ERC2: variants seen among roughly 807,000 people sequenced by gnomAD.
ERC2 encodes the protein ERC protein 2.
ERC2 carries 42 observed loss-of-function variants against 114.8 expected under a neutral mutation model. The ratio of observed to expected loss-of-function variants is 0.37; its 90% CI spans 0.29 to 0.47. ERC2 has a LOEUF of 0.47. Among genes scored for constraint, ERC2 ranks in the 20% least tolerant of loss-of-function variants. The pLI is 0.99. For synonymous variants in ERC2, 454 were observed against 425.5 expected, an observed-to-expected ratio of 1.07 and a Z score of -0.82; for missense variants, 939 against 1,150.7, an observed-to-expected ratio of 0.82 and a Z score of 2.66.
At chr3:55,804,516 G>A (rs1377063865) in intron 14 of ERC2, among the ~76,000 whole-genome samples, 1 of 152,156 alleles carries the variant, frequency 6.6e-6, no homozygotes, top group African/African-American at 2.4e-5. Flanking sequence ...AGGTATCCCT[G>A]TTTTATTTGC....
At position 55,988,628 on chromosome 3, in the gene ERC2, T is replaced by C. The variant is rs747996437; in HGVS notation, c.2256-2640A>G. On this transcript the variant is annotated intron_variant, in intron 11 of 17. Transcript: ENST00000288221. The stretch of plus-strand genomic sequence containing the variant: ...ACCCTGTACCTTTTGTTGCATACAA[T>C]TGAAGTTCTGGAATATTTTAGAACA... 4.6e-5 allele frequency among the ~76,000 whole-genome samples: 7 copies of C among 152,350 alleles called. No individual in the cohort carries two copies. In the South Asian group the frequency reaches 1.0e-3, roughly 23 times the overall value.
At chr3:56,296,496 C>A in intron 2 of ERC2, 61 bp from the exon 3 acceptor site, 2 of 1,502,776 alleles carry the variant, frequency 1.3e-6, no homozygotes, top group East Asian at 2.3e-5. Context: ...ATGAAAATGT[C>A]AAGTGCCGCT....
intron 2 of ERC2, among the ~76,000 whole-genome samples, chr3:56,362,086 T>TCC (rs765361046): frequency 2.0e-5 from 3 of 152,154 alleles, no homozygotes; most frequent in Non-Finnish European, 4.4e-5. Flanking sequence ...TCAGGAAATT[T>TCC]CCCGGTAAGA....
intron 14 of ERC2, among the ~76,000 whole-genome samples, chr3:55,851,155 T>C (rs1156342334): frequency 7.2e-6 from 1 of 139,060 alleles, no homozygotes; most frequent in Non-Finnish European, 1.6e-5. Flanking sequence ...CTTACTTCCA[T>C]CTCTAAGAAA....
chr3:56,010,669 G>A, intron 8 of ERC2, 80 bp from the exon 9 acceptor site: 1 of 1,445,344 alleles, frequency 6.9e-7, no homozygotes, highest in Non-Finnish European at 9.3e-7. Context: ...GAAAATAAGA[G>A]GCAGTACATC....
At chr3:56,289,234 T>A (rs889117223) in intron 3 of ERC2, among the ~76,000 whole-genome samples, 2 of 152,138 alleles carry the variant, frequency 1.3e-5, no homozygotes, top group African/African-American at 4.8e-5. Flanking sequence ...CTCTTCCTCC[T>A]CAAATCTCCC....
rs1576707670 is a variant in ERC2 at position 56,387,390 on chromosome 3, T to A, written c.657+46961A>T. Reference sequence around the variant, plus strand: ...GTGTTCTTGGCTTCTCTTTAACCTGTACAATGCAAAGTGATTTTTTTAATT... The same window carrying A: ...GTGTTCTTGGCTTCTCTTTAACCTGAACAATGCAAAGTGATTTTTTTAATT... On this transcript the variant is annotated intron_variant, in intron 2 of 17. Transcript: ENST00000288221. Among the ~76,000 whole-genome samples, 4 of 152,312 alleles carry A rather than the reference T, an allele frequency of 2.6e-5. 1 individual carries two copies.
intron 12 of ERC2, among the ~76,000 whole-genome samples, chr3:55,954,721 A>G (rs1479733540): frequency 6.6e-6 from 1 of 152,148 alleles, no homozygotes; most frequent in African/African-American, 2.4e-5. Flanking sequence ...GGTCAGGAGG[A>G]GTATAATTAA....
At chr3:55,675,042 A>AAGTGC (rs996941031) in intron 17 of ERC2, among the ~76,000 whole-genome samples, 3 of 152,152 alleles carry the variant, frequency 2.0e-5, no homozygotes, top group African/African-American at 7.2e-5. Context: ...CCATGTTTAC[A>AAGTGC]AGTGCAGGAT....
chr3:56,005,592 TAGAA>T (rs1450447756), intron 10 of ERC2, among the ~76,000 whole-genome samples: 1 of 152,046 alleles, frequency 6.6e-6, no homozygotes, highest in African/African-American at 2.4e-5. Context: ...CATGTACCTA[TAGAA>T]ATAATAAATG....
At chr3:55,704,381 T>C (rs1576221712) in intron 15 of ERC2, among the ~76,000 whole-genome samples, 2 of 152,058 alleles carry the variant, frequency 1.3e-5, no homozygotes, top group Non-Finnish European at 2.9e-5. Context: ...ACGGTTTAAA[T>C]AGAAAAAAAT....
At position 56,435,045 on chromosome 3, in the gene ERC2, T is replaced by C. The variant is rs756104114; in HGVS notation, c.-38A>G. On this transcript the variant is annotated 5_prime_UTR_variant, in exon 2 of 18. Coordinates refer to ENST00000288221, the MANE Select transcript of ERC2 (RefSeq NM_015576.3). ...ATGAGGTGTTACTGAAGAGAAGAAATGCTATATTAAGTTGGGGTTTGAGCT... is the reference window on the plus strand; with the variant it reads ...ATGAGGTGTTACTGAAGAGAAGAAACGCTATATTAAGTTGGGGTTTGAGCT... 18 of 1,497,154 alleles carry C rather than the reference T, an allele frequency of 1.2e-5. No individual in the cohort carries two copies. Among genetic ancestry groups the C allele is most frequent in the Middle Eastern group, 3.7e-4 (2 of 5,472 alleles). The allele number at this position is 1,497,154 out of a possible 1,614,324, so 92.7% of individuals were successfully genotyped here. A position where few individuals can be genotyped will look rare whatever the true frequency, so the allele number is the denominator to read the frequency against.
chr3:56,194,970 C>T (rs879368466), intron 3 of ERC2, among the ~76,000 whole-genome samples: 9 of 152,108 alleles, frequency 5.9e-5, no homozygotes, highest in Non-Finnish European at 1.3e-4. Context: ...CCAATAGATA[C>T]CTAAAACCAC....
In ERC2 at chr3:56,027,650, C is replaced by T. The variant is rs551227204; in HGVS notation, c.1642-8619G>A. ...AAAATGTCTCTTCAAGTCTTTTGCC[C>T]ATTTTCTAAGTTTTTTGTTTTACTA... On this transcript the variant is annotated intron_variant, in intron 7 of 17. Coordinates refer to ENST00000288221, the MANE Select transcript of ERC2 (RefSeq NM_015576.3). 3.9e-5 allele frequency among the ~76,000 whole-genome samples: 6 copies of T among 152,182 alleles called. No individual in the cohort carries two copies. In the South Asian group the frequency reaches 1.2e-3, roughly 32 times the overall value.
At chr3:55,780,819 C>T (rs1176297857) in intron 14 of ERC2, among the ~76,000 whole-genome samples, 1 of 152,174 alleles carries the variant, frequency 6.6e-6, no homozygotes, top group Non-Finnish European at 1.5e-5. Flanking sequence ...ATGCTCTTGA[C>T]CACAGCTCTG....
intron 17 of ERC2, among the ~76,000 whole-genome samples, chr3:55,588,433 A>G (rs2057704261): frequency 6.6e-6 from 1 of 152,212 alleles, no homozygotes; most frequent in South Asian, 2.1e-4. Flanking sequence ...CCTAAAGACA[A>G]CTTTCCACTT....
intron 1 of ERC2, among the ~76,000 whole-genome samples, chr3:56,438,462 G>C (rs2062130363): frequency 6.6e-6 from 1 of 152,072 alleles, no homozygotes; most frequent in Non-Finnish European, 1.5e-5. Context: ...TTCTTCTCTG[G>C]CAATACTTGT....
intron 6 of ERC2, among the ~76,000 whole-genome samples, chr3:56,110,560 T>C (rs966507543): frequency 2.0e-5 from 3 of 152,292 alleles, no homozygotes; most frequent in African/African-American, 7.2e-5. Flanking sequence ...TTTAATATAA[T>C]GTACATACAA....
At chr3:55,912,004 A>T in intron 13 of ERC2, among the ~76,000 whole-genome samples, 1 of 152,190 alleles carries the variant, frequency 6.6e-6, no homozygotes, top group Non-Finnish European at 1.5e-5. Flanking sequence ...GACAGCTGAA[A>T]CCCAAATGAA....
Sources: gnomAD v4.1 joint callset for allele counts (sites outside exome capture counted in the v4.1 genomes callset) on GRCh38, gnomAD v4.1.1 for gene constraint, MANE v1.5 for transcripts, NCBI Gene and HGNC (gene_info 2026-07-23, HGNC 2026-07-21) for gene names.